CEP112: variants seen among roughly 807,000 people sequenced by gnomAD.
CEP112 encodes centrosomal protein of 112 kDa.
In CEP112, 127 loss-of-function variants were observed where a neutral mutation model predicts 153.0. The ratio of observed to expected loss-of-function variants is 0.83; its 90% CI spans 0.72 to 0.96. CEP112 has a LOEUF of 0.96. Ranked by LOEUF, CEP112 falls within the 40% of genes least tolerant of loss-of-function variation. CEP112 has a pLI of 0.00. For missense variants in CEP112, 1,089 were observed against 1,101.2 expected (o/e 0.99, Z 0.16); for synonymous variants, 358 against 374.4 (o/e 0.96, Z 0.51).
chr17:65,660,302 TTCTC>T lies in CEP112; in HGVS notation c.2698-19241_2698-19238del, dbSNP rs200290593. Among the ~76,000 whole-genome samples the T allele has an allele frequency of 4.5e-3, 618 of 138,094 alleles. 4 individuals are homozygous for T. The highest frequency in any genetic ancestry group is 7.4e-3 in the Non-Finnish European group (483 of 65,384). 90.6% of individuals were successfully genotyped at this position (138,094 alleles called of 152,430 possible). A position where few individuals can be genotyped will look rare whatever the true frequency, so the allele number is the denominator to read the frequency against. On this transcript the variant is annotated intron_variant, in intron 24 of 26. Coordinates refer to ENST00000535342, the MANE Select transcript of CEP112 (RefSeq NM_001199165.4). The stretch of plus-strand genomic sequence containing the variant: ...TCCTTCCTTCCTCCCTCCTTCTCTT[TTCTC>T]TCTTTCTTTCTTCCTTTCTTTCTCT...
At chr17:65,865,407 T>C (rs2058451071) in intron 20 of CEP112, among the ~76,000 whole-genome samples, 1 of 152,184 alleles carries the variant, frequency 6.6e-6, no homozygotes, top group African/African-American at 2.4e-5. Flanking sequence ...TTAGGGTAAG[T>C]ATCATACAGT....
chr17:65,766,822 A>G (rs1598512789), intron 21 of CEP112, among the ~76,000 whole-genome samples: 1 of 149,450 alleles, frequency 6.7e-6, no homozygotes, highest in Non-Finnish European at 1.5e-5. Context: ...GCATTCATCA[A>G]GAGGATATAA....
chr17:65,920,748 T>G (rs2060696136), intron 19 of CEP112, among the ~76,000 whole-genome samples: 1 of 152,032 alleles, frequency 6.6e-6, no homozygotes, highest in African/African-American at 2.4e-5. Flanking sequence ...CTATTCCTTA[T>G]GTGACCTGAA....
At chr17:65,985,955 G>A (rs550145443) in intron 17 of CEP112, among the ~76,000 whole-genome samples, 1 of 151,804 alleles carries the variant, frequency 6.6e-6, no homozygotes, top group South Asian at 2.1e-4. Context: ...AGCAAATCAC[G>A]ATAATTTATT....
At chr17:65,714,676 C>A (rs1467786883) in intron 23 of CEP112, among the ~76,000 whole-genome samples, 1 of 152,170 alleles carries the variant, frequency 6.6e-6, no homozygotes, top group Non-Finnish European at 1.5e-5. Flanking sequence ...CATTCAACTA[C>A]TCACAACAGT....
At chr17:66,054,700 A>C (rs901620312) in intron 11 of CEP112, among the ~76,000 whole-genome samples, 1 of 152,054 alleles carries the variant, frequency 6.6e-6, no homozygotes, top group East Asian at 1.9e-4. Flanking sequence ...CCCCACACCT[A>C]CCCAATAGGA....
chr17:65,830,817 G>T (rs940179222), intron 21 of CEP112, among the ~76,000 whole-genome samples: 2 of 152,210 alleles, frequency 1.3e-5, no homozygotes, highest in Admixed American at 6.5e-5. Flanking sequence ...TAGTTCAAAG[G>T]TAATGTTTAA....
rs184113254 is a variant in CEP112, at chr17:66,046,780, C to T, written c.1218+6956G>A. The stretch of plus-strand genomic sequence containing the variant: ...TTATGAGAAGGCCATGTGAAGACAT[C>T]GAGACAGAAATACACAATGAAAATG... On this transcript the variant is annotated intron_variant, in intron 12 of 26. Coordinates refer to ENST00000535342, the MANE Select transcript of CEP112 (RefSeq NM_001199165.4). 9.4e-4 allele frequency among the ~76,000 whole-genome samples: 133 copies of T among 141,512 alleles called. 3 individuals carry two copies. In the South Asian group the frequency reaches 9.8e-3, roughly 10 times the overall value. 92.8% of individuals were successfully genotyped at this position (141,512 alleles called of 152,430 possible).
intron 24 of CEP112, among the ~76,000 whole-genome samples, chr17:65,674,129 C>G (rs1160534707): frequency 6.6e-6 from 1 of 152,194 alleles, no homozygotes; most frequent in African/African-American, 2.4e-5. Context: ...CCTCAGCCTC[C>G]CAAAGTGCTG....
At chr17:65,889,603 T>C (rs1241125305) in intron 20 of CEP112, among the ~76,000 whole-genome samples, 2 of 152,158 alleles carry the variant, frequency 1.3e-5, no homozygotes, top group Admixed American at 6.6e-5. Flanking sequence ...TCTAATTCTC[T>C]TTCCCTCCAT....
chr17:65,649,751 C>G (rs971938527), intron 24 of CEP112, among the ~76,000 whole-genome samples: 1 of 147,474 alleles, frequency 6.8e-6, no homozygotes, highest in Non-Finnish European at 1.5e-5. Context: ...CCCAATATTA[C>G]TTTACAAAGC....
intron 17 of CEP112, among the ~76,000 whole-genome samples, chr17:65,970,362 T>TATTACACGCACACATCATGCATGTAA (rs2062646739): frequency 7.4e-6 from 1 of 134,956 alleles, no homozygotes; most frequent in African/African-American, 2.8e-5. Context: ...TATGTGCCTA[T>TATTACACGCACACATCATGCATGTAA]ATTACATGCA....
At chr17:65,914,619 C>T (rs1030486887) in intron 19 of CEP112, among the ~76,000 whole-genome samples, 2 of 152,134 alleles carry the variant, frequency 1.3e-5, no homozygotes. Flanking sequence ...CGAGTCCCTT[C>T]ATCTGTACAC....
chr17:66,072,261 G>A (rs1009817059), intron 8 of CEP112, among the ~76,000 whole-genome samples: 5 of 151,962 alleles, frequency 3.3e-5, no homozygotes, highest in Non-Finnish European at 7.4e-5. Context: ...TAACCAAAGC[G>A]TGGTTATCAA....
At chr17:65,970,276 T>C (rs1032999927) in intron 17 of CEP112, among the ~76,000 whole-genome samples, 8 of 151,692 alleles carry the variant, frequency 5.3e-5, no homozygotes, top group African/African-American at 1.5e-4. Context: ...TACATGCATG[T>C]ATGTAGCATG....
intron 20 of CEP112, among the ~76,000 whole-genome samples, chr17:65,885,384 G>C (rs753263497): frequency 4.2e-4 from 64 of 152,116 alleles, no homozygotes; most frequent in Admixed American, 1.8e-3. Flanking sequence ...AGACGATGTT[G>C]AAATCTGCTT....
rs1567962152 is a variant in CEP112 at position 65,752,014 on chromosome 17, T to TC, written c.2395-1291dup. On this transcript the variant is annotated intron_variant, in intron 21 of 26. Coordinates refer to ENST00000535342, the MANE Select transcript of CEP112 (RefSeq NM_001199165.4). ...TCTATCTATCTATCTACTGTTCCTTTCATCCATCCATCCATCCATCCATCC... is the reference window on the plus strand; with the variant it reads ...TCTATCTATCTATCTACTGTTCCTTTCCATCCATCCATCCATCCATCCATCC... Among the ~76,000 whole-genome samples, 17 of 81,058 alleles carry TC rather than the reference T, an allele frequency of 2.1e-4. No homozygotes were observed. The South Asian group carries it at 3.1e-3, about 15-fold the overall frequency. The allele number at this position is 81,058 out of a possible 152,430, so 53.2% of individuals were successfully genotyped here.
At chr17:65,868,654 T>G (rs373724616) in intron 20 of CEP112, among the ~76,000 whole-genome samples, 3 of 152,294 alleles carry the variant, frequency 2.0e-5, no homozygotes, top group East Asian at 3.9e-4. Flanking sequence ...GTTGTATCAG[T>G]AAAAAAGAAT....
intron 18 of CEP112, among the ~76,000 whole-genome samples, chr17:65,950,751 A>G (rs11079608): frequency 1 from 151,301 of 151,448 alleles, 75,577 homozygotes; most frequent in Middle Eastern, 1. Flanking sequence ...TTTTGCCTTG[A>G]TGCACTGGCT....
Sources: allele counts gnomAD v4.1 joint callset (sites outside exome capture counted in the v4.1 genomes callset), GRCh38; gene constraint gnomAD v4.1.1; transcripts MANE v1.5; gene names NCBI Gene and HGNC (gene_info 2026-07-23, HGNC 2026-07-21).